The following ANKRD12 variants were observed in gnomAD, a reference collection of about 807,000 sequenced individuals.
ANKRD12 encodes the protein ankyrin repeat domain-containing protein 12.
In ANKRD12, 85 loss-of-function variants were observed where a neutral mutation model predicts 183.4. The ratio of observed to expected loss-of-function variants is 0.46; its 90% CI spans 0.39 to 0.56. The LOEUF (loss-of-function observed/expected upper bound fraction) is 0.56. Among genes scored for constraint, ANKRD12 ranks in the 20% least tolerant of loss-of-function variants. ANKRD12 has a pLI of 0.00. For missense variants in ANKRD12, 2,405 were observed against 2,357.1 expected, an observed-to-expected ratio of 1.02 and a Z score of -0.42; for synonymous variants, 914 against 800.2, an observed-to-expected ratio of 1.14 and a Z score of -2.40.
At chr18:9,196,048 A>G (rs982099213) in intron 3 of ANKRD12, among the ~76,000 whole-genome samples, 14 of 151,636 alleles carry the variant, frequency 9.2e-5, no homozygotes, top group Non-Finnish European at 2.1e-4. Context: ...TTGTGAACAT[A>G]TGGTCACACC....
intron 1 of ANKRD12, among the ~76,000 whole-genome samples, chr18:9,157,023 A>T (rs1178862102): frequency 6.6e-6 from 1 of 152,254 alleles, no homozygotes; most frequent in African/African-American, 2.4e-5. Flanking sequence ...GTTACAGAAG[A>T]TGATCAAGTT....
chr18:9,137,358 A>G (rs2078144060), intron 1 of ANKRD12, among the ~76,000 whole-genome samples: 1 of 146,156 alleles, frequency 6.8e-6, no homozygotes, highest in African/African-American at 2.5e-5. Flanking sequence ...GGCGCCCCTC[A>G]CCGCGGCTGG....
intron 6 of ANKRD12, 98 bp from the exon 7 acceptor site, chr18:9,216,660 G>T: frequency 1.6e-6 from 2 of 1,271,474 alleles, no homozygotes; most frequent in Non-Finnish European, 1.1e-6. Context: ...ACGATGTGCA[G>T]TTTTAGAATT....
chr18:9,175,523 C>CTTTTTTTTTTTTTTTTTTTT lies in ANKRD12; in HGVS notation c.-51-6850_-51-6831dup, dbSNP rs33944736. ...CTTGATCAGTTTTTCAAAGGCTCCTCTTTTTTTTTTTTTTTTTTTTTTTTT... is the reference window on the plus strand; with the variant it reads ...CTTGATCAGTTTTTCAAAGGCTCCTCTTTTTTTTTTTTTTTTTTTTTTTTTTTTTTTTTTTTTTTTTTTTT... On this transcript the variant is annotated intron_variant, in intron 1 of 12. Transcript: ENST00000262126. 5.6e-5 allele frequency among the ~76,000 whole-genome samples: 3 copies of CTTTTTTTTTTTTTTTTTTTT among 53,312 alleles called. 1 individual carries two copies. Among genetic ancestry groups the CTTTTTTTTTTTTTTTTTTTT allele is most frequent in the Non-Finnish European group, 9.5e-5 (3 of 31,444 alleles). The allele number at this position is 53,312 out of a possible 152,430, so 35.0% of individuals were successfully genotyped here. A position where few individuals can be genotyped will look rare whatever the true frequency, so the allele number is the denominator to read the frequency against.
At chr18:9,161,438 C>T (rs1175617280) in intron 1 of ANKRD12, among the ~76,000 whole-genome samples, 6 of 151,766 alleles carry the variant, frequency 4.0e-5, no homozygotes, top group East Asian at 3.9e-4. Context: ...TGCAGTGGCG[C>T]GATCTCGGCT....
At chr18:9,226,791 C>T (rs1373436234) in intron 8 of ANKRD12, among the ~76,000 whole-genome samples, 3 of 151,932 alleles carry the variant, frequency 2.0e-5, no homozygotes, top group African/African-American at 7.3e-5. Flanking sequence ...AGTATTACAG[C>T]TGAGAATGCA....
chr18:9,237,282 G>T (rs1473310450), intron 8 of ANKRD12, among the ~76,000 whole-genome samples: 1 of 152,172 alleles, frequency 6.6e-6, no homozygotes, highest in Non-Finnish European at 1.5e-5. Context: ...ATACATGGAT[G>T]GGGTGAATGG....
At chr18:9,173,627 T>TG (rs1567875989) in intron 1 of ANKRD12, among the ~76,000 whole-genome samples, 30 of 39,608 alleles carry the variant, frequency 7.6e-4, no homozygotes, top group African/African-American at 2.5e-3. Flanking sequence ...GGGGGGGGGG[T>TG]AGGGGGGGCA....
chr18:9,189,662 G>A (rs902361483), intron 2 of ANKRD12, among the ~76,000 whole-genome samples: 2 of 152,162 alleles, frequency 1.3e-5, no homozygotes, highest in Non-Finnish European at 2.9e-5. Flanking sequence ...TAAGAATTAC[G>A]TGAAATTTAC....
intron 10 of ANKRD12, among the ~76,000 whole-genome samples, chr18:9,273,125 G>A (rs537820316): frequency 2.6e-5 from 4 of 152,122 alleles, no homozygotes; most frequent in African/African-American, 9.7e-5. Context: ...AGGTCCCAGG[G>A]TTATCCCCAT....
intron 1 of ANKRD12, among the ~76,000 whole-genome samples, chr18:9,141,858 T>A (rs2078327640): frequency 1.3e-5 from 2 of 151,346 alleles, no homozygotes; most frequent in South Asian, 4.2e-4. Flanking sequence ...TTTTGACAAT[T>A]AAGATTAATC....
chr18:9,167,614 T>G (rs1292679225), intron 1 of ANKRD12, among the ~76,000 whole-genome samples: 5 of 152,350 alleles, frequency 3.3e-5, no homozygotes, highest in Admixed American at 2.0e-4. Context: ...GAGGAGATTT[T>G]GGGCTGAGAC....
intron 6 of ANKRD12, among the ~76,000 whole-genome samples, chr18:9,216,015 CT>C (rs36084675): frequency 1.4e-3 from 193 of 141,268 alleles, no homozygotes; most frequent in East Asian, 4.3e-3. Context: ...GCTGCTTTTA[CT>C]TTTTTTTTTT....
At chr18:9,186,744 G>C (rs1260939414) in intron 2 of ANKRD12, among the ~76,000 whole-genome samples, 1 of 142,472 alleles carries the variant, frequency 7.0e-6, no homozygotes, top group African/African-American at 2.6e-5. Flanking sequence ...GTATTTCTTT[G>C]ATTGTCTTTT....
At chr18:9,139,297 G>A (rs1181784518) in intron 1 of ANKRD12, among the ~76,000 whole-genome samples, 1 of 152,140 alleles carries the variant, frequency 6.6e-6, no homozygotes, top group Non-Finnish European at 1.5e-5. Context: ...GAGTTTAAAA[G>A]GAAGATGCTT....
At chr18:9,192,933 C>T (rs912377216) in intron 2 of ANKRD12, among the ~76,000 whole-genome samples, 3 of 151,990 alleles carry the variant, frequency 2.0e-5, no homozygotes, top group Non-Finnish European at 2.9e-5. Flanking sequence ...ATCCATCCGC[C>T]TCAGCCTCCC....
At chr18:9,139,653 G>C (rs150381919) in intron 1 of ANKRD12, among the ~76,000 whole-genome samples, 2 of 152,238 alleles carry the variant, frequency 1.3e-5, no homozygotes, top group Non-Finnish European at 2.9e-5. Flanking sequence ...TCAGATGGGC[G>C]TGAAGAATTT....
chr18:9,152,132 T>G (rs1176159264), intron 1 of ANKRD12, among the ~76,000 whole-genome samples: 2 of 152,230 alleles, frequency 1.3e-5, no homozygotes, highest in East Asian at 3.8e-4. Flanking sequence ...TTTTAGGGAC[T>G]TCTGGACAAA....
rs111293785 is a variant in ANKRD12, at chr18:9,265,474, C to T, written c.5763+1586C>T. Among the ~76,000 whole-genome samples the T allele has an allele frequency of 4.0e-3, 608 of 152,274 alleles. 3 individuals carry two copies. Among genetic ancestry groups the T allele is most frequent in the African/African-American group, 0.014 (575 of 41,554 alleles). On this transcript the variant is annotated intron_variant, in intron 10 of 12. Coordinates refer to ENST00000262126, the MANE Select transcript of ANKRD12 (RefSeq NM_015208.5). Reference sequence around the variant, plus strand: ...AGCAACATTTGCTGTTCACCAATATCTGCTGTTCTGCAGTCTCCGCTGCTG... The same window carrying T: ...AGCAACATTTGCTGTTCACCAATATTTGCTGTTCTGCAGTCTCCGCTGCTG...
Sources: allele counts gnomAD v4.1 joint callset (sites outside exome capture counted in the v4.1 genomes callset), GRCh38; gene constraint gnomAD v4.1.1; transcripts MANE v1.5; gene names NCBI Gene and HGNC (gene_info 2026-07-23, HGNC 2026-07-21).